DAB2IP: variants seen among roughly 807,000 people sequenced by gnomAD.
The protein encoded by DAB2IP is DAB2 interacting protein.
DAB2IP carries 28 observed loss-of-function variants against 107.2 expected under a neutral mutation model. The ratio of observed to expected loss-of-function variants is 0.26; its 90% CI spans 0.19 to 0.36. DAB2IP has a LOEUF of 0.36. Ranked by LOEUF, DAB2IP falls within the 10% of genes least tolerant of loss-of-function variation. The pLI is 1.00. For synonymous variants in DAB2IP, 755 were observed against 706.4 expected (o/e 1.07, Z -1.09); for missense variants, 1,400 against 1,644.7 (o/e 0.85, Z 2.57).
chr9:121,670,861 A>T (rs911974600), intron 1 of DAB2IP, among the ~76,000 whole-genome samples: 1 of 152,000 alleles, frequency 6.6e-6, no homozygotes, highest in Admixed American at 6.6e-5. Flanking sequence ...TACTAAAAAT[A>T]CAAAAATTAG....
chr9:121,724,475 A>C (rs988962592), intron 3 of DAB2IP, among the ~76,000 whole-genome samples: 2 of 152,098 alleles, frequency 1.3e-5, no homozygotes, highest in African/African-American at 2.4e-5. Context: ...CTGGCTCTGC[A>C]TTTGTCTCTA....
At chr9:121,783,691 G>C in exon 16 of DAB2IP, 1 of 1,128,812 alleles carries the variant, frequency 8.9e-7, no homozygotes, top group Non-Finnish European at 1.3e-6. Flanking sequence ...CCGTGTGTGT[G>C]GCCGGCCTCC....
At chr9:121,674,206 C>T (rs1833795576) in intron 1 of DAB2IP, among the ~76,000 whole-genome samples, 1 of 152,224 alleles carries the variant, frequency 6.6e-6, no homozygotes, top group South Asian at 2.1e-4. Context: ...ATGACTCTCC[C>T]TCCTCCCCTC....
intron 1 of DAB2IP, among the ~76,000 whole-genome samples, chr9:121,611,383 A>C (rs1026782447): frequency 6.6e-5 from 10 of 152,046 alleles, no homozygotes; most frequent in African/African-American, 2.4e-4. Context: ...TTCCCACCCC[A>C]AGGAAGCTGA....
At chr9:121,781,607 G>T in intron 15 of DAB2IP, 56 bp downstream of exon 15, 1 of 1,520,702 alleles carries the variant, frequency 6.6e-7, no homozygotes, top group East Asian at 2.4e-5. Context: ...GGGATTAGGA[G>T]GGGTGACTAG....
rs568485059 is a variant in DAB2IP, at chr9:121,590,281, C to T, written c.40+23053C>T. ...TCGGAGCTGCTTTCTCCTTCTGGCC[C>T]CTCCTTCCCACTCCTCCCCTGTCAT... On this transcript the variant is annotated intron_variant, in intron 1 of 16. Coordinates refer to the DAB2IP transcript ENST00000259371. 9.5e-4 allele frequency among the ~76,000 whole-genome samples: 143 copies of T among 150,500 alleles called. 2 individuals carry two copies. The South Asian group carries it at 0.03, about 32-fold the overall frequency.
intron 3 of DAB2IP, among the ~76,000 whole-genome samples, chr9:121,730,902 A>G (rs868351967): frequency 4.6e-5 from 7 of 152,308 alleles, no homozygotes; most frequent in African/African-American, 1.2e-4. Context: ...CCTCCTGGCA[A>G]TGAGAAGTGT....
At chr9:121,694,717 T>G (rs1188176259) in intron 2 of DAB2IP, among the ~76,000 whole-genome samples, 1 of 151,950 alleles carries the variant, frequency 6.6e-6, no homozygotes, top group Non-Finnish European at 1.5e-5. Context: ...GATGGAAGCC[T>G]AGGGCCTAGG....
At chr9:121,737,460 C>T (rs1832009114) in intron 3 of DAB2IP, 1 of 985,350 alleles carries the variant, frequency 1.0e-6, no homozygotes, top group African/African-American at 1.7e-5. Flanking sequence ...CCTAGGCTCA[C>T]CTCTTAGATG....
intron 2 of DAB2IP, among the ~76,000 whole-genome samples, chr9:121,688,313 ATCTGTT>A (rs1828990642): frequency 6.6e-6 from 1 of 152,214 alleles, no homozygotes; most frequent in Non-Finnish European, 1.5e-5. Context: ...CAGCAGTGAC[ATCTGTT>A]TCTAACACAA....
chr9:121,712,764 A>G (rs933792648), intron 3 of DAB2IP, among the ~76,000 whole-genome samples: 4 of 152,218 alleles, frequency 2.6e-5, no homozygotes, highest in Admixed American at 2.6e-4. Context: ...TACTGAACAT[A>G]TTCTTACAGA....
chr9:121,749,060 A>T (rs1267286829), intron 3 of DAB2IP, among the ~76,000 whole-genome samples: 2 of 152,054 alleles, frequency 1.3e-5, no homozygotes, highest in Admixed American at 6.5e-5. Flanking sequence ...AGGGCAGCCA[A>T]CCTTTCTGCC....
At chr9:121,605,776 G>A (rs1243299819) in intron 1 of DAB2IP, among the ~76,000 whole-genome samples, 1 of 152,142 alleles carries the variant, frequency 6.6e-6, no homozygotes, top group Non-Finnish European at 1.5e-5. Context: ...AAAGTGCTGG[G>A]GTTGTATGCA....
chr9:121,757,475 A>G (rs1376972389), intron 4 of DAB2IP, among the ~76,000 whole-genome samples: 1 of 152,150 alleles, frequency 6.6e-6, no homozygotes, highest in Non-Finnish European at 1.5e-5. Context: ...TTTCTTAAGC[A>G]CCAGAGCCCA....
intron 3 of DAB2IP, among the ~76,000 whole-genome samples, chr9:121,733,211 C>T (rs1564186348): frequency 1.3e-5 from 2 of 152,348 alleles, no homozygotes; most frequent in African/African-American, 2.4e-5. Context: ...GTCCTACAGA[C>T]GGATCCTGGG....
chr9:121,666,329 A>G (rs559398791), intron 1 of DAB2IP, among the ~76,000 whole-genome samples: 2 of 152,358 alleles, frequency 1.3e-5, no homozygotes, highest in Admixed American at 6.5e-5. Context: ...CCCTTTTGCC[A>G]TAGAAGGTGA....
At chr9:121,749,574 A>T (rs543377965) in intron 3 of DAB2IP, among the ~76,000 whole-genome samples, 3 of 152,260 alleles carry the variant, frequency 2.0e-5, no homozygotes, top group Admixed American at 1.3e-4. Flanking sequence ...GGGACCACAC[A>T]GGCTGGTGGG....
At position 121,641,950 on chromosome 9, in the gene DAB2IP, C is replaced by A. The variant is rs562136315; in HGVS notation, c.41-36728C>A. Among the ~76,000 whole-genome samples, 124 of 47,062 alleles carry A rather than the reference C, an allele frequency of 2.6e-3. 4 individuals carry two copies. The highest frequency in any genetic ancestry group is 0.019 in the African/African-American group (121 of 6,374). 30.9% of individuals were successfully genotyped at this position (47,062 alleles called of 152,430 possible). ...CTTTCTTTCTTTCTCTCTTTCTTTC[C>A]TTTCTTTCTTTCTCTCTCTCTCTTT... On this transcript the variant is annotated intron_variant, in intron 1 of 16. Transcript: ENST00000259371.
In DAB2IP at chr9:121,587,538, G is replaced by A. The variant is rs117534735; in HGVS notation, c.40+20310G>A. Among the ~76,000 whole-genome samples the A allele has an allele frequency of 4.0e-3, 612 of 151,816 alleles. 3 individuals are homozygous for A. The highest frequency in any genetic ancestry group is 7.1e-3 in the Non-Finnish European group (481 of 67,960). ...TGAGAGAATCACCTGAGCCTGGGAG[G>A]TTGAGGTTGCAGTGAGCCAAGATCT... On this transcript the variant is annotated intron_variant, in intron 1 of 16. Coordinates refer to the DAB2IP transcript ENST00000259371.
Sources: allele counts gnomAD v4.1 joint callset (sites outside exome capture counted in the v4.1 genomes callset), GRCh38; gene constraint gnomAD v4.1.1; transcripts MANE v1.5; gene names NCBI Gene and HGNC (gene_info 2026-07-23, HGNC 2026-07-21).